The following TRAPPC2L variants were observed in gnomAD, a reference collection of about 807,000 sequenced individuals.
TRAPPC2L encodes the protein trafficking protein particle complex subunit 2L.
TRAPPC2L carries 17 observed loss-of-function variants against 13.2 expected under a neutral mutation model. The ratio of observed to expected loss-of-function variants is 1.29; its 90% CI spans 0.88 to 1.93. The LOEUF (loss-of-function observed/expected upper bound fraction) is 1.93. Ranked by LOEUF, TRAPPC2L falls within the 30% of genes most tolerant of loss-of-function variation. TRAPPC2L has a pLI of 0.00. For synonymous variants in TRAPPC2L, 150 were observed against 98.1 expected, an observed-to-expected ratio of 1.53 and a Z score of -3.12; for missense variants, 359 against 252.1, an observed-to-expected ratio of 1.42 and a Z score of -2.87.
At chr16:88,861,107 AGAG>A (rs1278407683) in exon 4 of TRAPPC2L, 3 of 743,426 alleles carry the variant, frequency 4.0e-6, no homozygotes, top group South Asian at 3.4e-5. Context: ...AGGTCTTGTG[AGAG>A]GAGATTTGGC....
exon 4 of TRAPPC2L, chr16:88,861,662 C>T (rs376628343): frequency 2.2e-5 from 11 of 496,840 alleles, no homozygotes; most frequent in Non-Finnish European, 3.3e-5. Context: ...CCCAGGGCAG[C>T]GGCCGAGCCC....
chr16:88,856,899 G>A (rs1360638297), upstream of TRAPPC2L: 10 of 1,500,046 alleles, frequency 6.7e-6, 1 homozygote, highest in South Asian at 2.5e-5. Flanking sequence ...GAGCCGCGGA[G>A]CCCCGGCCAG....
At chr16:88,859,999 A>G in exon 4 of TRAPPC2L, 4 of 1,518,376 alleles carry the variant, frequency 2.6e-6, no homozygotes, top group Non-Finnish European at 3.5e-6. Context: ...GTGTCTTGCC[A>G]CCTTCTTTCT....
upstream of TRAPPC2L, chr16:88,856,851 C>T (rs1967945460): frequency 2.0e-6 from 3 of 1,513,242 alleles, no homozygotes; most frequent in African/African-American, 2.9e-5. Context: ...GCTGCCACCA[C>T]CTCGTCGCCG....
At chr16:88,860,581 G>T (rs2143016979) in exon 4 of TRAPPC2L, 1 of 588,686 alleles carries the variant, frequency 1.7e-6, no homozygotes, top group Non-Finnish European at 3.0e-6. Flanking sequence ...CCTGGTCCCA[G>T]ATGGGAGCAG....
chr16:88,861,231 T>C (rs1266114565), exon 4 of TRAPPC2L: 2 of 494,236 alleles, frequency 4.0e-6, no homozygotes, highest in Non-Finnish European at 7.4e-6. Flanking sequence ...CTGTCCTCAG[T>C]TGTCCCAAAG....
exon 4 of TRAPPC2L, chr16:88,861,343 G>T (rs910297633): frequency 5.5e-6 from 2 of 360,542 alleles, no homozygotes; most frequent in Admixed American, 8.0e-5. Flanking sequence ...GTCTGGAGGG[G>T]GTGGCCTCCT....
chr16:88,859,978 C>T lies in TRAPPC2L; in HGVS notation c.380C>T (p.Ala127Val), dbSNP rs768361815. 1.2e-6 allele frequency: 2 copies of T among 1,613,860 alleles called. No individual in the cohort carries two copies. Among genetic ancestry groups the T allele is most frequent in the Non-Finnish European group, 8.5e-7 (1 of 1,179,812 alleles). Residue 127 changes from alanine to valine, a missense_variant, in exon 4 of 4, where the codon GCC becomes GTC. Ala to Val is a moderately conservative substitution (Grantham distance 64). Coordinates refer to ENST00000565504, the Ensembl canonical transcript of TRAPPC2L. ...GGGGACCGCATCCAGTCCAGGTGGGCCCTACTTTCTGTGTCTTGCCACCTT... is the reference window on the plus strand; with the variant it reads ...GGGGACCGCATCCAGTCCAGGTGGGTCCTACTTTCTGTGTCTTGCCACCTT...
chr16:88,857,008 AG>A (rs1198736435), upstream of TRAPPC2L: 7 of 1,385,926 alleles, frequency 5.1e-6, no homozygotes, highest in Admixed American at 2.2e-4. Context: ...GAGTCCGCGG[AG>A]GGACGGGAGG....
intron 1 of TRAPPC2L, 26 bp downstream of exon 1, chr16:88,857,209 C>T (rs1208770071): frequency 1.3e-6 from 2 of 1,531,700 alleles, no homozygotes; most frequent in Admixed American, 1.9e-5. Flanking sequence ...GTGGGGCGTC[C>T]GGGCTCGCAC....
At chr16:88,859,795 T>G (rs769411732) in intron 3 of TRAPPC2L, 45 bp downstream of exon 3, 1 of 1,593,922 alleles carries the variant, frequency 6.3e-7, no homozygotes, top group South Asian at 1.1e-5. Flanking sequence ...GGTGTTTTGT[T>G]TTTCCTTTTT....
rs187114373 is a variant in TRAPPC2L, at chr16:88,859,860, T to C, written c.295-33T>C. 12 of 1,578,906 alleles carry C rather than the reference T, an allele frequency of 7.6e-6. No homozygotes were observed. In the African/African-American group the frequency reaches 1.3e-4, roughly 17 times the overall value. On this transcript the variant is annotated intron_variant, in intron 3 of 3. Coordinates refer to ENST00000565504, the Ensembl canonical transcript of TRAPPC2L. ...AAATCTGGCAGTGGCTGTGTGTATG[T>C]GGCAAGGTCATGGTTTGCTGGGTCT...
At chr16:88,856,939 C>A (rs1014636026), upstream of TRAPPC2L, 24 of 1,463,138 alleles carry the variant, frequency 1.6e-5, no homozygotes, top group African/African-American at 3.4e-4. Flanking sequence ...TCCGCCGGCC[C>A]TTCCGGCTGG....
At chr16:88,859,094 T>G in intron 2 of TRAPPC2L, 1 of 471,006 alleles carries the variant, frequency 2.1e-6, no homozygotes. Flanking sequence ...TCTGTGCTTT[T>G]CAGGGGGAGC....
chr16:88,859,357 G>A (rs1345372424), intron 2 of TRAPPC2L: 1 of 686,082 alleles, frequency 1.5e-6, no homozygotes, highest in Non-Finnish European at 2.7e-6. Context: ...AACTTTCCGG[G>A]CCAGGCATTG....
chr16:88,858,576 G>C, intron 1 of TRAPPC2L, 43 bp from the exon 2 acceptor site: 1 of 1,599,158 alleles, frequency 6.3e-7, no homozygotes, highest in Non-Finnish European at 8.5e-7. Flanking sequence ...GTGTGCGCTG[G>C]GTGGAGTCTT....
At chr16:88,856,913 G>C, upstream of TRAPPC2L, 2 of 1,496,092 alleles carry the variant, frequency 1.3e-6, no homozygotes, top group Non-Finnish European at 1.8e-6. Context: ...CGGCCAGCGA[G>C]CCGACCTAGC....
At chr16:88,858,772 C>T (rs773408637) in exon 2 of TRAPPC2L, 3 of 1,613,318 alleles carry the variant, frequency 1.9e-6, no homozygotes, top group Middle Eastern at 1.6e-4. Context: ...CCTGCTCTAC[C>T]CCACGGAGGA....
At chr16:88,859,514 T>G (rs1420569746) in intron 2 of TRAPPC2L, 149 bp from the exon 3 acceptor site, 7 of 809,666 alleles carry the variant, frequency 8.6e-6, no homozygotes, top group Admixed American at 5.5e-5. Flanking sequence ...GTATTTAGGC[T>G]TGTACCCAGC....
Sources: allele counts gnomAD v4.1 joint callset, GRCh38; gene constraint gnomAD v4.1.1; transcripts MANE v1.5; gene names NCBI Gene and HGNC (gene_info 2026-07-23, HGNC 2026-07-21).